Variants in COL15A1 observed in about 807,000 individuals in gnomAD.
COL15A1 encodes the protein collagen type XV alpha 1 chain.
COL15A1 carries 111 observed loss-of-function variants against 165.9 expected under a neutral mutation model. That is an observed-to-expected ratio of 0.67 (90% CI 0.57 to 0.78). COL15A1 has a LOEUF of 0.78. Ranked by LOEUF, COL15A1 falls within the 30% of genes least tolerant of loss-of-function variation. The probability of loss-of-function intolerance (pLI) is 0.00; values close to 1 mark genes in which losing one functional copy is unlikely to be tolerated. For synonymous variants in COL15A1, 659 were observed against 674.8 expected (o/e 0.98, Z 0.36); for missense variants, 1,745 against 1,789.7 (o/e 0.98, Z 0.45).
At chr9:99,044,451 G>T in intron 24 of COL15A1, 117 bp from the exon 25 acceptor site, 3 of 875,172 alleles carry the variant, frequency 3.4e-6, no homozygotes, top group Non-Finnish European at 5.6e-6. Context: ...ATAAATCATG[G>T]CTGCAGGACT....
At chr9:99,022,063 C>A (rs373213076) in intron 12 of COL15A1, 28 bp from the exon 13 acceptor site, 1 of 1,613,560 alleles carries the variant, frequency 6.2e-7, no homozygotes, top group Non-Finnish European at 8.5e-7. Context: ...GAGTTCCAGC[C>A]GTTCACTGAC....
At chr9:99,016,798 G>A (rs1838941638) in intron 11 of COL15A1, among the ~76,000 whole-genome samples, 1 of 152,254 alleles carries the variant, frequency 6.6e-6, no homozygotes, top group African/African-American at 2.4e-5. Flanking sequence ...TTGGTGATCA[G>A]CATTGGCTCA....
Position 98,987,355 on chromosome 9 carries a change from C to T in COL15A1, c.710C>T (p.Pro237Leu). The change falls in exon 4 of 42, where the codon CCT (proline) becomes CTT (leucine). Residue 237 changes from proline to leucine, a missense_variant. Pro to Leu is a moderately conservative substitution (Grantham distance 98). Coordinates refer to ENST00000375001, the MANE Select transcript of COL15A1 (RefSeq NM_001855.5). ...AGGACTCCCGAGGAGCTGTGTGACC[C>T]TGAAGAGTCCTCGGTGAGCTCCCCT... ...DPRTPEELCD[P>L]EESSASGETS... The T allele has an allele frequency of 6.2e-7, 1 of 1,612,482 alleles. No homozygotes were observed. The highest frequency in any genetic ancestry group is 8.5e-7 in the Non-Finnish European group (1 of 1,179,298).
chr9:98,952,854 G>T (rs1226592485), intron 2 of COL15A1, among the ~76,000 whole-genome samples: 1 of 152,036 alleles, frequency 6.6e-6, no homozygotes, highest in Non-Finnish European at 1.5e-5. Flanking sequence ...TTTATTTCTG[G>T]TATCTCTGTA....
chr9:98,986,808 G>T (rs1257059399), intron 3 of COL15A1, among the ~76,000 whole-genome samples: 1 of 152,206 alleles, frequency 6.6e-6, no homozygotes, highest in Admixed American at 6.5e-5. Context: ...AAACACAAAG[G>T]GCAATTTTTA....
At chr9:99,005,302 G>T (rs1194377024) in intron 9 of COL15A1, among the ~76,000 whole-genome samples, 1 of 152,132 alleles carries the variant, frequency 6.6e-6, no homozygotes, top group African/African-American at 2.4e-5. Context: ...CTGCATGCAG[G>T]ACCCTGCTGC....
chr9:99,047,894 T>C (rs1839520004), intron 27 of COL15A1, 47 bp from the exon 28 acceptor site: 3 of 1,610,384 alleles, frequency 1.9e-6, no homozygotes, highest in Non-Finnish European at 2.5e-6. Flanking sequence ...TGGGCCAGGC[T>C]GGTCTGTGGG....
chr9:99,014,522 A>G (rs1838897668), intron 9 of COL15A1, among the ~76,000 whole-genome samples: 1 of 152,240 alleles, frequency 6.6e-6, no homozygotes. Flanking sequence ...GGTTTGAACC[A>G]TAAAGAAAGC....
Position 99,044,588 on chromosome 9 carries a change from T to A in COL15A1, c.2595T>A (p.Gly865=), listed in dbSNP as rs758496598. The A allele has an allele frequency of 1.4e-5, 23 of 1,613,940 alleles. No individual in the cohort carries two copies. Among genetic ancestry groups the A allele is most frequent in the Non-Finnish European group, 1.7e-5 (20 of 1,180,018 alleles). ...KGEQGEKGEP[G]AILTEDIPLE... ...TGCAGGGCGAGAAGGGAGAGCCGGG[T>A]GCCATCCTGACAGAGGACATTCCTC... is the stretch of plus-strand genomic sequence containing the variant. The change falls in exon 25 of 42, where the codon GGT becomes GGA. Residue 865 remains glycine, a synonymous_variant. Coordinates refer to ENST00000375001, the MANE Select transcript of COL15A1 (RefSeq NM_001855.5).
chr9:98,985,406 TGGGTC>T (rs1401590559), intron 2 of COL15A1, among the ~76,000 whole-genome samples, 154 bp from the exon 3 acceptor site: 3 of 152,256 alleles, frequency 2.0e-5, no homozygotes, highest in Non-Finnish European at 4.4e-5. Context: ...TTTCTTTTTG[TGGGTC>T]GTTGTCAAAA....
At chr9:98,967,501 A>G (rs1837976334) in intron 2 of COL15A1, among the ~76,000 whole-genome samples, 1 of 152,152 alleles carries the variant, frequency 6.6e-6, no homozygotes, top group Non-Finnish European at 1.5e-5. Context: ...AGCTGGGGCC[A>G]CTTGGCTGCC....
intron 2 of COL15A1, among the ~76,000 whole-genome samples, chr9:98,962,000 A>C (rs549832739): frequency 4.3e-4 from 66 of 152,340 alleles, no homozygotes; most frequent in African/African-American, 1.5e-3. Flanking sequence ...TGGTGGAGGC[A>C]AGTGAGGAAG....
chr9:98,975,970 G>C (rs938723036), intron 2 of COL15A1, among the ~76,000 whole-genome samples: 1 of 152,208 alleles, frequency 6.6e-6, no homozygotes, highest in African/African-American at 2.4e-5. Context: ...GACACGGGGG[G>C]AGAATGAGGA....
At chr9:99,024,396 G>T (rs377406954) in intron 14 of COL15A1, among the ~76,000 whole-genome samples, 3 of 149,646 alleles carry the variant, frequency 2.0e-5, no homozygotes, top group African/African-American at 7.4e-5. Context: ...TCCATTCTCC[G>T]GCCTCAGCCT....
chr9:99,022,007 A>G, intron 12 of COL15A1, 84 bp from the exon 13 acceptor site: 1 of 1,571,490 alleles, frequency 6.4e-7, no homozygotes, highest in Non-Finnish European at 8.8e-7. Context: ...CCTGATTTTA[A>G]AGATGAGCAC....
intron 16 of COL15A1, among the ~76,000 whole-genome samples, chr9:99,028,399 T>G (rs551496138): frequency 6.6e-6 from 1 of 152,202 alleles, no homozygotes; most frequent in South Asian, 2.1e-4. Flanking sequence ...ACACCTCTAA[T>G]CCCAGCACTT....
chr9:99,004,621 C>T (rs1838724145), intron 8 of COL15A1, among the ~76,000 whole-genome samples: 1 of 152,178 alleles, frequency 6.6e-6, no homozygotes, highest in Non-Finnish European at 1.5e-5. Context: ...GGGGACACAG[C>T]TTGGAAGGGC....
chr9:98,990,988 T>C (rs1480523681), intron 5 of COL15A1, among the ~76,000 whole-genome samples: 2 of 152,128 alleles, frequency 1.3e-5, no homozygotes, highest in African/African-American at 4.8e-5. Flanking sequence ...AGAGTAAAGC[T>C]GCAGACCTTC....
chr9:99,062,371 A>G (rs1286638509), intron 38 of COL15A1, 67 bp downstream of exon 38: 1 of 1,146,962 alleles, frequency 8.7e-7, no homozygotes, highest in Non-Finnish European at 1.3e-6. Flanking sequence ...CCTCCTTGGT[A>G]TCTAGCACCA....
Sources: allele counts gnomAD v4.1 joint callset (sites outside exome capture counted in the v4.1 genomes callset), GRCh38; gene constraint gnomAD v4.1.1; transcripts MANE v1.5; gene names NCBI Gene and HGNC (gene_info 2026-07-23, HGNC 2026-07-21).